Variants in CNTN5 observed in about 807,000 individuals in gnomAD.
CNTN5 encodes the protein contactin-5.
In CNTN5, 77 loss-of-function variants were observed where a neutral mutation model predicts 129.1. That is an observed-to-expected ratio of 0.60 (90% CI 0.50 to 0.72). The LOEUF (loss-of-function observed/expected upper bound fraction) is 0.72. Among genes scored for constraint, CNTN5 ranks in the 30% least tolerant of loss-of-function variants. The pLI is 0.00. For missense variants in CNTN5, 1,478 were observed against 1,328.8 expected (o/e 1.11, Z -1.75); for synonymous variants, 509 against 465.6 (o/e 1.09, Z -1.20).
At chr11:100,137,725 C>T (rs916553626) in intron 13 of CNTN5, among the ~76,000 whole-genome samples, 70 of 152,058 alleles carry the variant, frequency 4.6e-4, no homozygotes, top group African/African-American at 1.6e-3. Flanking sequence ...AATTGCCATA[C>T]ATTATCAGGC....
chr11:99,046,856 G>A (rs4397812), intron 1 of CNTN5, among the ~76,000 whole-genome samples: 152,214 of 152,220 alleles, frequency 1, 76,104 homozygotes, highest in Middle Eastern at 1. Context: ...AAATTGTCAG[G>A]CTTAACTGGA....
chr11:99,552,327 G>C (rs1275189330), intron 2 of CNTN5, among the ~76,000 whole-genome samples: 1 of 151,552 alleles, frequency 6.6e-6, no homozygotes, highest in Non-Finnish European at 1.5e-5. Flanking sequence ...GGTGGTCACT[G>C]TTCTAGATGC....
chr11:100,220,628 T>C (rs1330584509), intron 15 of CNTN5, among the ~76,000 whole-genome samples: 1 of 152,184 alleles, frequency 6.6e-6, no homozygotes, highest in African/African-American at 2.4e-5. Flanking sequence ...AGTGCAATTA[T>C]AGTGCCCTTC....
intron 2 of CNTN5, among the ~76,000 whole-genome samples, chr11:99,483,677 G>T (rs1397707689): frequency 1.3e-5 from 2 of 151,554 alleles, no homozygotes; most frequent in Admixed American, 6.6e-5. Flanking sequence ...GTTGGCCAGG[G>T]TTGTGGGGTT....
intron 2 of CNTN5, among the ~76,000 whole-genome samples, chr11:99,328,510 T>G (rs1865873511): frequency 6.6e-6 from 1 of 151,986 alleles, no homozygotes; most frequent in Admixed American, 6.6e-5. Flanking sequence ...ACACATATAG[T>G]TTTTTGTGTT....
At chr11:100,228,346 A>T (rs979121438) in intron 16 of CNTN5, among the ~76,000 whole-genome samples, 6 of 152,200 alleles carry the variant, frequency 3.9e-5, no homozygotes, top group Admixed American at 2.6e-4. Flanking sequence ...GAAACGAATG[A>T]ATTAAGCTCA....
At chr11:99,620,448 A>G (rs1950906463) in intron 3 of CNTN5, among the ~76,000 whole-genome samples, 1 of 123,572 alleles carries the variant, frequency 8.1e-6, no homozygotes, top group South Asian at 2.6e-4. Flanking sequence ...TTTCAGTAGT[A>G]TTTTGCTTTC....
intron 2 of CNTN5, among the ~76,000 whole-genome samples, chr11:99,426,096 G>T (rs1943107637): frequency 6.6e-6 from 1 of 152,020 alleles, no homozygotes. Context: ...AATCTAAAAA[G>T]AATTAAACAC....
chr11:100,103,937 C>T (rs142878505), intron 13 of CNTN5, among the ~76,000 whole-genome samples: 15 of 152,158 alleles, frequency 9.9e-5, no homozygotes, highest in African/African-American at 2.2e-4. Context: ...ATTGAAATTA[C>T]GAAATAAGTA....
At chr11:100,114,759 C>A (rs1945783063) in intron 13 of CNTN5, among the ~76,000 whole-genome samples, 1 of 152,044 alleles carries the variant, frequency 6.6e-6, no homozygotes, top group African/African-American at 2.4e-5. Context: ...CTTTAAGACT[C>A]AATTTACATG....
At chr11:99,537,741 A>G (rs1947954767) in intron 2 of CNTN5, among the ~76,000 whole-genome samples, 2 of 152,180 alleles carry the variant, frequency 1.3e-5, no homozygotes, top group African/African-American at 4.8e-5. Context: ...TCTAAGAACC[A>G]TGCCTGGTAT....
At chr11:100,145,370 C>T (rs1946817291) in intron 13 of CNTN5, among the ~76,000 whole-genome samples, 1 of 152,048 alleles carries the variant, frequency 6.6e-6, no homozygotes, top group African/African-American at 2.4e-5. Flanking sequence ...ATTTTCAGAC[C>T]TCTAACCCAT....
At chr11:100,007,288 C>A (rs1205407609) in intron 9 of CNTN5, among the ~76,000 whole-genome samples, 1 of 152,008 alleles carries the variant, frequency 6.6e-6, no homozygotes, top group Non-Finnish European at 1.5e-5. Flanking sequence ...GCTGCATTAG[C>A]CCCTAACAAG....
chr11:99,184,609 G>A (rs1263766702), intron 1 of CNTN5, among the ~76,000 whole-genome samples: 3 of 151,954 alleles, frequency 2.0e-5, no homozygotes, highest in African/African-American at 7.2e-5. Flanking sequence ...AGCCATTATG[G>A]AATCTTACTT....
At chr11:100,017,658 A>G (rs770602) in intron 9 of CNTN5, among the ~76,000 whole-genome samples, 65,114 of 151,914 alleles carry the variant, frequency 0.43, 14,245 homozygotes, top group East Asian at 0.56. Context: ...AAGATCTCTC[A>G]TAGTACTGGA....
rs113032852 is a variant in CNTN5, at chr11:99,816,764, A to G, written c.56-2780A>G. Among the ~76,000 whole-genome samples, 13 of 152,254 alleles carry G rather than the reference A, an allele frequency of 8.5e-5. 1 individual carries two copies. Among genetic ancestry groups the G allele is most frequent in the African/African-American group, 2.6e-4 (11 of 41,552 alleles). ...TTTAACATGACATGCTAGACGTTTC[A>G]TCATCGGCACCTTGTTTACTTATTC... On this transcript the variant is annotated intron_variant, in intron 3 of 24. Coordinates refer to ENST00000524871, the MANE Select transcript of CNTN5 (RefSeq NM_014361.4).
At chr11:99,899,988 C>T (rs960798118) in intron 6 of CNTN5, among the ~76,000 whole-genome samples, 1 of 151,910 alleles carries the variant, frequency 6.6e-6, no homozygotes, top group South Asian at 2.1e-4. Flanking sequence ...AGGACTTTAT[C>T]CATTTCCTCT....
chr11:100,288,125 A>T (rs1950843457), intron 18 of CNTN5, among the ~76,000 whole-genome samples: 1 of 152,176 alleles, frequency 6.6e-6, no homozygotes, highest in Admixed American at 6.5e-5. Flanking sequence ...TTAGTGACCT[A>T]CAAAGAGACT....
intron 13 of CNTN5, among the ~76,000 whole-genome samples, chr11:100,120,068 C>A (rs1313479140): frequency 7.1e-6 from 1 of 140,878 alleles, no homozygotes; most frequent in Admixed American, 7.3e-5. Flanking sequence ...GTAACCACAG[C>A]AAAATGTTAA....
Sources: allele counts gnomAD v4.1 joint callset (sites outside exome capture counted in the v4.1 genomes callset), GRCh38; gene constraint gnomAD v4.1.1; transcripts MANE v1.5; gene names NCBI Gene and HGNC (gene_info 2026-07-23, HGNC 2026-07-21).